The following ADGRL3 variants were observed in gnomAD, a reference collection of about 807,000 sequenced individuals.
ADGRL3 encodes adhesion G protein-coupled receptor L3, also known as calcium-independent alpha-latrotoxin receptor 3.
In ADGRL3, 62 loss-of-function variants were observed where a neutral mutation model predicts 153.5. The observed-to-expected ratio is 0.40, with a 90% confidence interval of 0.33 to 0.50. The LOEUF (loss-of-function observed/expected upper bound fraction) is 0.50. ADGRL3 is among the 20% of genes least tolerant of loss of function. The pLI is 0.47. For synonymous variants in ADGRL3, 710 were observed against 672.5 expected, an observed-to-expected ratio of 1.06 and a Z score of -0.86; for missense variants, 1,641 against 1,859.4, an observed-to-expected ratio of 0.88 and a Z score of 2.16.
intron 1 of ADGRL3, among the ~76,000 whole-genome samples, chr4:61,245,643 T>C (rs1442098564): frequency 6.6e-6 from 1 of 152,140 alleles, no homozygotes; most frequent in Admixed American, 6.6e-5. Context: ...TAGGTTTGTT[T>C]AGTAAATCAA....
chr4:61,494,810 T>G (rs1237102812), intron 2 of ADGRL3, among the ~76,000 whole-genome samples: 1 of 152,126 alleles, frequency 6.6e-6, no homozygotes, highest in Non-Finnish European at 1.5e-5. Context: ...TGTGTCCATA[T>G]TTAGTACTGT....
chr4:61,536,812 T>C (rs1050947900), intron 4 of ADGRL3, among the ~76,000 whole-genome samples: 3 of 152,056 alleles, frequency 2.0e-5, no homozygotes, highest in Non-Finnish European at 4.4e-5. Context: ...AGACAACAGA[T>C]GGTAGGCTCT....
chr4:61,302,997 A>T (rs1414772481), intron 1 of ADGRL3, among the ~76,000 whole-genome samples: 1 of 152,200 alleles, frequency 6.6e-6, no homozygotes. Context: ...AAAAAAATGA[A>T]ATCCATTCAC....
Position 61,785,777 on chromosome 4 carries a change from AT to A in ADGRL3, c.1400-28030del, listed in dbSNP as rs553288292. On this transcript the variant is annotated intron_variant, in intron 8 of 26. Transcript: ENST00000683033. ...GAGTTTATCCTTTTTATAGAGCTTGATTATTCTTAATGGTTTTAGGGGAATC... is the reference window on the plus strand; with the variant it reads ...GAGTTTATCCTTTTTATAGAGCTTGATATTCTTAATGGTTTTAGGGGAATC... Among the ~76,000 whole-genome samples the A allele has an allele frequency of 4.3e-4, 66 of 152,324 alleles. No homozygotes were observed. The South Asian group carries it at 9.5e-3, about 22-fold the overall frequency.
intron 24 of ADGRL3, among the ~76,000 whole-genome samples, chr4:62,043,458 G>A (rs940038100): frequency 6.6e-6 from 1 of 152,018 alleles, no homozygotes; most frequent in African/African-American, 2.4e-5. Flanking sequence ...TAGGGAAAAT[G>A]TGATATACAA....
intron 1 of ADGRL3, among the ~76,000 whole-genome samples, chr4:61,309,795 G>C (rs530387692): frequency 6.6e-6 from 1 of 152,132 alleles, no homozygotes; most frequent in African/African-American, 2.4e-5. Context: ...AAAGCGAGCT[G>C]TTCTTGCAAT....
At chr4:61,862,215 G>C (rs2149289815) in intron 9 of ADGRL3, among the ~76,000 whole-genome samples, 1 of 152,196 alleles carries the variant, frequency 6.6e-6, no homozygotes, top group Admixed American at 6.5e-5. Context: ...TTAAAACTAG[G>C]AAAGTCCCAG....
intron 2 of ADGRL3, among the ~76,000 whole-genome samples, chr4:61,415,619 A>C (rs1182237927): frequency 1.3e-5 from 2 of 152,092 alleles, no homozygotes; most frequent in East Asian, 3.9e-4. Flanking sequence ...ACTGTCATAC[A>C]TAAATTTGAC....
chr4:61,956,183 G>A (rs1018298433), intron 17 of ADGRL3, among the ~76,000 whole-genome samples: 4 of 152,022 alleles, frequency 2.6e-5, no homozygotes, highest in African/African-American at 9.7e-5. Flanking sequence ...TTGCTCCACA[G>A]CCTTGCCAGC....
intron 17 of ADGRL3, among the ~76,000 whole-genome samples, chr4:61,972,338 G>T (rs1490489206): frequency 6.6e-6 from 1 of 152,096 alleles, no homozygotes; most frequent in African/African-American, 2.4e-5. Context: ...TTTTGTATAA[G>T]GTGTAAGGAA....
chr4:61,589,820 C>T (rs543606546), intron 5 of ADGRL3, among the ~76,000 whole-genome samples: 4 of 152,044 alleles, frequency 2.6e-5, no homozygotes, highest in Non-Finnish European at 5.9e-5. Flanking sequence ...AATTAAACTG[C>T]ATACTGATGT....
intron 3 of ADGRL3, among the ~76,000 whole-genome samples, chr4:61,513,900 T>G (rs139896457): frequency 4.6e-5 from 7 of 152,186 alleles, no homozygotes; most frequent in Admixed American, 2.6e-4. Flanking sequence ...ATCTTAAAAT[T>G]ACATGCAACA....
At chr4:61,569,138 G>C (rs2098828335) in intron 4 of ADGRL3, among the ~76,000 whole-genome samples, 1 of 152,112 alleles carries the variant, frequency 6.6e-6, no homozygotes, top group Non-Finnish European at 1.5e-5. Flanking sequence ...TAGCTATAAA[G>C]TCATGCTTAA....
At chr4:61,400,486 G>A (rs922263635) in intron 2 of ADGRL3, among the ~76,000 whole-genome samples, 2 of 151,822 alleles carry the variant, frequency 1.3e-5, no homozygotes, top group South Asian at 4.1e-4. Flanking sequence ...CAGGCATCTT[G>A]TAAAAGAGAA....
At chr4:61,680,953 C>T (rs868689435) in intron 6 of ADGRL3, among the ~76,000 whole-genome samples, 16 of 152,192 alleles carry the variant, frequency 1.1e-4, no homozygotes, top group African/African-American at 3.6e-4. Context: ...TCCTAGCACA[C>T]CTCAGTTCCA....
At chr4:61,976,382 G>C (rs2099048120) in intron 17 of ADGRL3, among the ~76,000 whole-genome samples, 2 of 152,020 alleles carry the variant, frequency 1.3e-5, no homozygotes, top group South Asian at 4.1e-4. Context: ...TATAAACAAG[G>C]CTTTTCATAT....
At chr4:61,987,522 G>A (rs773458177) in intron 19 of ADGRL3, among the ~76,000 whole-genome samples, 16 of 151,864 alleles carry the variant, frequency 1.1e-4, no homozygotes, top group Admixed American at 3.9e-4. Flanking sequence ...TGCTCACCAC[G>A]TGCATCTTTT....
At chr4:61,470,508 A>G (rs1015858648) in intron 2 of ADGRL3, among the ~76,000 whole-genome samples, 13 of 151,952 alleles carry the variant, frequency 8.6e-5, no homozygotes, top group African/African-American at 3.1e-4. Flanking sequence ...GAGTTCCTAT[A>G]ATGACTGCAT....
intron 8 of ADGRL3, among the ~76,000 whole-genome samples, chr4:61,779,625 C>T (rs1484994540): frequency 3.0e-5 from 3 of 100,594 alleles, no homozygotes; most frequent in African/African-American, 1.2e-4. Flanking sequence ...TGCAGTAAGA[C>T]TCTGTCTCAA....
Sources: gnomAD v4.1 joint callset for allele counts (sites outside exome capture counted in the v4.1 genomes callset) on GRCh38, gnomAD v4.1.1 for gene constraint, MANE v1.5 for transcripts, NCBI Gene and HGNC (gene_info 2026-07-23, HGNC 2026-07-21) for gene names.